ADAMTS5: variants seen among roughly 807,000 people sequenced by gnomAD.
ADAMTS5 encodes the protein A disintegrin and metalloproteinase with thrombospondin motifs 5.
In ADAMTS5, 54 loss-of-function variants were observed where a neutral mutation model predicts 81.4. That is an observed-to-expected ratio of 0.66 (90% CI 0.53 to 0.83). The LOEUF is 0.83. Among genes scored for constraint, ADAMTS5 ranks in the 40% least tolerant of loss-of-function variants. The probability of loss-of-function intolerance (pLI) is 0.00; values close to 1 mark genes in which losing one functional copy is unlikely to be tolerated. For missense variants in ADAMTS5, 1,194 were observed against 1,229.9 expected (o/e 0.97, Z 0.44); for synonymous variants, 532 against 508.8 (o/e 1.05, Z -0.61).
chr21:26,936,753 C>T (rs570210886), intron 3 of ADAMTS5, among the ~76,000 whole-genome samples: 4 of 152,158 alleles, frequency 2.6e-5, no homozygotes, highest in South Asian at 2.1e-4. Context: ...AAGAAAAACA[C>T]GAACATCAAG....
chr21:26,954,806 T>C lies in ADAMTS5; in HGVS notation c.1170A>G (p.Pro390=), dbSNP rs1422758614. The change falls in exon 2 of 8, where the codon CCA becomes CCG. Residue 390 remains proline, a synonymous_variant. Transcript: ENST00000284987. The part of the protein sequence containing the change: ...GMADVGTICS[P]ERSCAVIEDD... The stretch of plus-strand genomic sequence containing the variant: ...CTTCAATCACAGCACAGCTGCGCTC[T>C]GGAGAACATATGGTCCCAACGTCTG... The C allele has an allele frequency of 6.2e-7, 1 of 1,614,038 alleles. No homozygotes were observed. The highest frequency in any genetic ancestry group is 8.5e-7 in the Non-Finnish European group (1 of 1,180,014).
chr21:26,965,858 C>T lies in ADAMTS5; in HGVS notation c.534G>A (p.Lys178=), dbSNP rs776373677. The T allele has an allele frequency of 3.1e-6, 5 of 1,613,170 alleles. No homozygotes were observed. In the African/African-American group the frequency reaches 5.3e-5, roughly 17 times the overall value. ...CGGACCCATCCCCGTACACGCGCCC[C>T]TTTTCTTCCTCCGCCCAGGGTCCGC... ...LLRGPWAEEE[K]GRVYGDGSAR... Residue 178 remains lysine, a synonymous_variant, in exon 1 of 8, where the codon AAG becomes AAA. Transcript: ENST00000284987.
chr21:26,940,544 A>G (rs1987094470), intron 3 of ADAMTS5, among the ~76,000 whole-genome samples: 2 of 152,074 alleles, frequency 1.3e-5, no homozygotes, highest in South Asian at 4.1e-4. Context: ...TTGTTCTCAG[A>G]TTACCTGTCT....
rs1258341981 is a variant in ADAMTS5 at position 26,943,385 on chromosome 21, C to T, written c.1400G>A (p.Gly467Asp). The T allele has an allele frequency of 1.2e-6, 2 of 1,611,878 alleles. No individual in the cohort carries two copies. Among genetic ancestry groups the T allele is most frequent in the East Asian group, 2.2e-5 (1 of 44,844 alleles). The change falls in exon 3 of 8, where the codon GGC becomes GAC. Residue 467 changes from glycine to aspartate, a missense_variant. This residue lies in a region of ADAMTS5 where 696 missense variants were observed against 817.6 expected (regional missense o/e 0.85). Transcript: ENST00000284987. Reference protein sequence around the residue: ...SATITEFLDDGHGNCLLDLPR... With the variant: ...SATITEFLDDDHGNCLLDLPR... ...TTCTCCTAAATGATACATACCATGG[C>T]CATCATCCAGGAATTCTGTGATGGT...
Position 26,966,188 on chromosome 21 carries a change from G to T in ADAMTS5, c.204C>A (p.Arg68=). Residue 68 remains arginine, a synonymous_variant, in exon 1 of 8, where the codon CGC becomes CGA. Coordinates refer to ENST00000284987, the MANE Select transcript of ADAMTS5 (RefSeq NM_007038.5). The part of the protein sequence containing the change: ...PGHPHPLAQR[R]RSKGLVQNID... Reference sequence around the variant, plus strand: ...TGTTCTGCACCAGCCCCTTGCTCCTGCGCCGCTGCGCCAGGGGGTGCGGGT... The same window carrying T: ...TGTTCTGCACCAGCCCCTTGCTCCTTCGCCGCTGCGCCAGGGGGTGCGGGT... 1 of 1,599,924 alleles carries T rather than the reference G, an allele frequency of 6.3e-7. No individual in the cohort carries two copies.
chr21:26,963,124 A>G (rs1263251400), intron 1 of ADAMTS5, among the ~76,000 whole-genome samples: 1 of 152,006 alleles, frequency 6.6e-6, no homozygotes, highest in Non-Finnish European at 1.5e-5. Context: ...CAAGGAGACC[A>G]GAGAGGGCCC....
intron 2 of ADAMTS5, among the ~76,000 whole-genome samples, chr21:26,954,462 G>A (rs140746116): frequency 7.1e-4 from 108 of 152,194 alleles, no homozygotes; most frequent in African/African-American, 2.5e-3. Context: ...GGTCATTTAC[G>A]GATGCTTAAA....
In ADAMTS5 at chr21:26,924,608, A is replaced by C; in HGVS notation, c.2238T>G (p.Thr746=). 1.9e-6 allele frequency: 3 copies of C among 1,610,490 alleles called. No homozygotes were observed. The highest frequency in any genetic ancestry group is 2.5e-6 in the Non-Finnish European group (3 of 1,177,930). The change falls in exon 8 of 8, where the codon ACT becomes ACG. Residue 746 remains threonine (T), a synonymous_variant. Coordinates refer to ENST00000284987, the MANE Select transcript of ADAMTS5 (RefSeq NM_007038.5). The stretch of plus-strand genomic sequence containing the variant: ...CCCCTTCAGGAATCCTCACCACGTC[A>C]GTGTAACCCTTACTGGAAGTAGGAA... ...GTFNKKSKGY[T]DVVRIPEGAT...
chr21:26,961,558 G>A (rs757911648), intron 1 of ADAMTS5, among the ~76,000 whole-genome samples: 6 of 152,166 alleles, frequency 3.9e-5, no homozygotes, highest in Non-Finnish European at 7.3e-5. Context: ...TTTCTACCTC[G>A]CTGCCTTAAA....
At position 26,924,165 on chromosome 21, in the gene ADAMTS5, C is replaced by T. The variant is rs199588797; in HGVS notation, c.2681G>A (p.Gly894Asp). The T allele has an allele frequency of 6.3e-5, 102 of 1,614,092 alleles. No individual in the cohort carries two copies. The highest frequency in any genetic ancestry group is 8.1e-5 in the Non-Finnish European group (95 of 1,180,020). The change falls in exon 8 of 8, where the codon GGT becomes GAT. Residue 894 changes from glycine (G) to aspartate (D), a missense_variant. Gly to Asp is a moderately conservative substitution (Grantham distance 94, BLOSUM62 -1). Coordinates refer to ENST00000284987, the MANE Select transcript of ADAMTS5 (RefSeq NM_007038.5). Reference protein sequence around the residue: ...WLACSRTCDTGWHTRTVQCQD... With the variant: ...WLACSRTCDTDWHTRTVQCQD... Reference sequence around the variant, plus strand: ...GCACTGCACCGTTCTGGTGTGCCAACCTGTGTCACAGGTCCTAGAGCAGGC... The same window carrying T: ...GCACTGCACCGTTCTGGTGTGCCAATCTGTGTCACAGGTCCTAGAGCAGGC...
Sources: allele counts gnomAD v4.1 joint callset (sites outside exome capture counted in the v4.1 genomes callset), GRCh38; gene constraint gnomAD v4.1.1; regional missense constraint gnomAD v4.1.1; transcripts MANE v1.5; gene names NCBI Gene and HGNC (gene_info 2026-07-23, HGNC 2026-07-21).